The following EML6 variants were observed in gnomAD, a reference collection of about 807,000 sequenced individuals.
EML6 encodes the protein EMAP like 6.
Under a neutral mutation model 240.1 loss-of-function variants are expected in EML6, and 154 were observed. That is an observed-to-expected ratio of 0.64 (90% confidence interval 0.56 to 0.73). The LOEUF (loss-of-function observed/expected upper bound fraction) is 0.73. Among genes scored for constraint, EML6 ranks in the 30% least tolerant of loss-of-function variants. The pLI, the probability that EML6 is intolerant of heterozygous loss-of-function variation, is 0.00. For missense variants in EML6, 2,964 were observed against 2,474.6 expected, an observed-to-expected ratio of 1.20 and a Z score of -4.20; for synonymous variants, 1,148 against 899.0, an observed-to-expected ratio of 1.28 and a Z score of -4.95.
intron 5 of EML6, among the ~76,000 whole-genome samples, chr2:54,823,722 G>A (rs1668437137): frequency 6.6e-6 from 1 of 152,100 alleles, no homozygotes; most frequent in South Asian, 2.1e-4. Flanking sequence ...CCTGTACTCA[G>A]TGGTGAAGAA....
intron 11 of EML6, among the ~76,000 whole-genome samples, chr2:54,854,745 C>G (rs1419409926): frequency 1.3e-5 from 2 of 152,246 alleles, no homozygotes; most frequent in African/African-American, 2.4e-5. Flanking sequence ...GACACCATCA[C>G]TGAAACATCA....
intron 28 of EML6, among the ~76,000 whole-genome samples, chr2:54,938,595 T>G (rs1255287385): frequency 6.6e-6 from 1 of 152,204 alleles, no homozygotes; most frequent in African/African-American, 2.4e-5. Flanking sequence ...TCCCACAGTA[T>G]AAGTAACTAC....
At chr2:54,931,179 G>A (rs1009180933) in intron 28 of EML6, among the ~76,000 whole-genome samples, 4 of 151,714 alleles carry the variant, frequency 2.6e-5, no homozygotes, top group Admixed American at 6.6e-5. Flanking sequence ...GGATGGTCTC[G>A]ATCTCCTGAC....
In EML6 at chr2:54,928,399, C is replaced by T. The variant is rs1362683647; in HGVS notation, c.3762C>T (p.Leu1254=). The T allele has an allele frequency of 1.3e-6, 2 of 1,551,724 alleles. No homozygotes were observed. Among genetic ancestry groups the T allele is most frequent in the Non-Finnish European group, 8.7e-7 (1 of 1,146,998 alleles). Reference sequence around the variant, plus strand: ...GGCTGCACAATGACTCTGTGCTGCTCACGGTGGGCGGCGCCGACACAGCCC... The same window carrying T: ...GGCTGCACAATGACTCTGTGCTGCTTACGGTGGGCGGCGCCGACACAGCCC... ...VRWLHNDSVL[L]TVGGADTALM... Residue 1254 remains leucine (L), a synonymous_variant, in exon 27 of 42, where the codon CTC becomes CTT. Transcript: ENST00000356458.
At chr2:54,757,695 C>T (rs1249250944) in intron 2 of EML6, among the ~76,000 whole-genome samples, 1 of 152,104 alleles carries the variant, frequency 6.6e-6, no homozygotes, top group Non-Finnish European at 1.5e-5. Context: ...CTCCTACTTT[C>T]ACCCCCTCCC....
rs1032909029 is a variant in EML6 at position 54,970,298 on chromosome 2, C to G, written c.*203C>G. The G allele has an allele frequency of 4.9e-6, 3 of 608,642 alleles. No homozygotes were observed. The highest frequency in any genetic ancestry group is 2.9e-6 in the Non-Finnish European group (1 of 342,076). The allele number at this position is 608,642 out of a possible 1,614,324, so 37.7% of individuals were successfully genotyped here. A position where few individuals can be genotyped will look rare whatever the true frequency, so the allele number is the denominator to read the frequency against. ...AAACCGTGATGCCACGAAGGAAGGTCAAGTTTTAAAATGTTAAAGACTGCT... is the reference window on the plus strand; with the variant it reads ...AAACCGTGATGCCACGAAGGAAGGTGAAGTTTTAAAATGTTAAAGACTGCT... On this transcript the variant is annotated 3_prime_UTR_variant, in exon 42 of 42. Transcript: ENST00000356458.
chr2:54,730,886 T>G (rs1443846847), intron 2 of EML6, among the ~76,000 whole-genome samples: 2 of 152,218 alleles, frequency 1.3e-5, no homozygotes, highest in Admixed American at 6.5e-5. Flanking sequence ...TGACAAAGTT[T>G]CTGCCGCCTC....
intron 28 of EML6, among the ~76,000 whole-genome samples, chr2:54,938,863 C>T (rs531120874): frequency 9.2e-5 from 14 of 152,140 alleles, no homozygotes; most frequent in Admixed American, 2.6e-4. Flanking sequence ...TTTTGGTTTC[C>T]GTATTATCTC....
At chr2:54,928,005 G>C (rs1674648196) in intron 26 of EML6, among the ~76,000 whole-genome samples, 1 of 152,224 alleles carries the variant, frequency 6.6e-6, no homozygotes, top group Non-Finnish European at 1.5e-5. Flanking sequence ...TGTGGAGGCA[G>C]CACATTTGAC....
Position 54,853,742 on chromosome 2 carries a change from A to C in EML6, c.1544A>C (p.Tyr515Ser). The change falls in exon 11 of 42, where the codon TAC becomes TCC. Residue 515 changes from tyrosine (Y) to serine (S), a missense_variant. Tyr to Ser is a moderately radical substitution (Grantham distance 144). Coordinates refer to ENST00000356458, the MANE Select transcript of EML6 (RefSeq NM_001039753.4). ...GAAGTGAGTGGAATTTGGCCCAAAT[A>C]CACTGAGGTTACTGACATCAACTCA... ...GPEVSGIWPK[Y>S]TEVTDINSVD... The C allele has an allele frequency of 6.4e-7, 1 of 1,551,578 alleles. No individual in the cohort carries two copies. The highest frequency in any genetic ancestry group is 8.7e-7 in the Non-Finnish European group (1 of 1,146,862).
chr2:54,793,213 G>A (rs1463418245), intron 2 of EML6, among the ~76,000 whole-genome samples: 1 of 152,166 alleles, frequency 6.6e-6, no homozygotes, highest in African/African-American at 2.4e-5. Context: ...GCTGCAGTGA[G>A]CCAAATTTGC....
At chr2:54,928,589 A>G in intron 27 of EML6, 36 bp from the exon 28 acceptor site, 1 of 1,551,906 alleles carries the variant, frequency 6.4e-7, no homozygotes, top group Non-Finnish European at 8.7e-7. Context: ...GCCACTGCAA[A>G]CCAACTGGCT....
chr2:54,788,537 G>T (rs1186567148), intron 2 of EML6, among the ~76,000 whole-genome samples: 1 of 152,202 alleles, frequency 6.6e-6, no homozygotes, highest in Non-Finnish European at 1.5e-5. Context: ...GCCCCAGCAG[G>T]TCTAGAATCG....
rs543450418 is a variant in EML6 at position 54,726,404 on chromosome 2, C to CT, written c.197+1154dup. On this transcript the variant is annotated intron_variant, in intron 2 of 41. Coordinates refer to ENST00000356458, the MANE Select transcript of EML6 (RefSeq NM_001039753.4). ...TGCAGAGAATGATTTCAAAGATCAG[C>CT]TTTTTTTTCCCTTCCTAATGATGTG... Among the ~76,000 whole-genome samples, 138 of 151,666 alleles carry CT rather than the reference C, an allele frequency of 9.1e-4. 1 individual carries two copies. Among genetic ancestry groups the CT allele is most frequent in the Non-Finnish European group, 1.8e-3 (119 of 67,956 alleles).
chr2:54,915,278 A>G (rs1370755173), intron 25 of EML6, among the ~76,000 whole-genome samples: 2 of 152,172 alleles, frequency 1.3e-5, no homozygotes, highest in Admixed American at 6.5e-5. Flanking sequence ...CAGGGGAGCA[A>G]TACCAGCTCC....
chr2:54,940,280 A>G (rs919197531), intron 28 of EML6, among the ~76,000 whole-genome samples: 2 of 152,224 alleles, frequency 1.3e-5, no homozygotes, highest in African/African-American at 4.8e-5. Flanking sequence ...GAATGGGTTT[A>G]TGAACTGAAA....
intron 7 of EML6, among the ~76,000 whole-genome samples, chr2:54,836,220 TGTA>T (rs1490470708): frequency 1.3e-5 from 2 of 152,174 alleles, no homozygotes; most frequent in African/African-American, 4.8e-5. Flanking sequence ...TGGCCTGGCT[TGTA>T]GTAATTCCTC....
Position 54,866,846 on chromosome 2 carries a change from G to A in EML6, c.2013G>A (p.Lys671=). The change falls in exon 14 of 42, where the codon AAG becomes AAA. Residue 671 remains lysine (K), a synonymous_variant. Coordinates refer to ENST00000356458, the MANE Select transcript of EML6 (RefSeq NM_001039753.4). The part of the protein sequence containing the change: ...NHAVPFLKRE[K]APEDSLKLQF... Reference sequence around the variant, plus strand: ...CAGTGCCCTTCCTCAAACGAGAAAAGGCTCCTGAGGACAGCTTGAAACTCC... The same window carrying A: ...CAGTGCCCTTCCTCAAACGAGAAAAAGCTCCTGAGGACAGCTTGAAACTCC... The A allele has an allele frequency of 6.4e-7, 1 of 1,551,154 alleles. No individual in the cohort carries two copies. The highest frequency in any genetic ancestry group is 1.4e-5 in the African/African-American group (1 of 73,144).
Position 54,950,632 on chromosome 2 carries a change from CTG to C in EML6, c.4084-9_4084-8del. On this transcript the variant is annotated splice_polypyrimidine_tract_variant and intron_variant, in intron 29 of 41. Coordinates refer to ENST00000356458, the MANE Select transcript of EML6 (RefSeq NM_001039753.4). ...TCCTTCCTCTGAGGGTCACATTGAT[CTG>C]TGTGTGTGAATGCAGGAGCTGGCTC... 1 of 1,551,160 alleles carries C rather than the reference CTG, an allele frequency of 6.4e-7. No individual in the cohort carries two copies. The highest frequency in any genetic ancestry group is 1.4e-5 in the African/African-American group (1 of 73,150).
Sources: allele counts gnomAD v4.1 joint callset (sites outside exome capture counted in the v4.1 genomes callset), GRCh38; gene constraint gnomAD v4.1.1; transcripts MANE v1.5; gene names NCBI Gene and HGNC (gene_info 2026-07-23, HGNC 2026-07-21).